MCF2L: variants seen among roughly 807,000 people sequenced by gnomAD.
MCF2L encodes the protein guanine nucleotide exchange factor DBS.
A neutral mutation model predicts 153.4 loss-of-function variants in MCF2L; 97 were observed. The ratio of observed to expected loss-of-function variants is 0.63; its 90% CI spans 0.54 to 0.75. The LOEUF is 0.75. Among genes scored for constraint, MCF2L ranks in the 30% least tolerant of loss-of-function variants. MCF2L has a pLI of 0.00. For synonymous variants in MCF2L, 659 were observed against 632.2 expected, an observed-to-expected ratio of 1.04 and a Z score of -0.64; for missense variants, 1,347 against 1,495.2, an observed-to-expected ratio of 0.90 and a Z score of 1.64.
At chr13:112,973,619 C>G (rs2082122720) in intron 1 of MCF2L, among the ~76,000 whole-genome samples, 1 of 152,230 alleles carries the variant, frequency 6.6e-6, no homozygotes, top group African/African-American at 2.4e-5. Flanking sequence ...CTGGGTGAGT[C>G]TGACGCCCTC....
chr13:113,078,248 G>A, intron 13 of MCF2L, 115 bp from the exon 14 acceptor site: 1 of 819,246 alleles, frequency 1.2e-6, no homozygotes, highest in Admixed American at 2.1e-5. Context: ...GCCACCACCT[G>A]TGGCCTCAGA....
At chr13:113,016,807 CCT>C in intron 2 of MCF2L, among the ~76,000 whole-genome samples, 1 of 152,340 alleles carries the variant, frequency 6.6e-6, no homozygotes, top group East Asian at 1.9e-4. Flanking sequence ...TCGTACATGC[CCT>C]CTCCCTCCTC....
At chr13:113,041,639 C>T (rs537554000) in intron 3 of MCF2L, among the ~76,000 whole-genome samples, 1 of 152,312 alleles carries the variant, frequency 6.6e-6, no homozygotes, top group East Asian at 1.9e-4. Context: ...TCTTTACATC[C>T]TCACGTCAGA....
At chr13:113,056,031 G>A (rs2141672095) in intron 4 of MCF2L, among the ~76,000 whole-genome samples, 1 of 152,346 alleles carries the variant, frequency 6.6e-6, no homozygotes, top group Middle Eastern at 3.4e-3. Context: ...CGGCCACTGA[G>A]GGCCGTGGTC....
chr13:112,911,375 A>G (rs1309779852), intron 2 of MCF2L, among the ~76,000 whole-genome samples: 2 of 152,060 alleles, frequency 1.3e-5, no homozygotes, highest in Non-Finnish European at 2.9e-5. Context: ...CCGTCCATGC[A>G]GGGTGTAGAC....
chr13:113,096,691 C>G (rs765707811), intron 29 of MCF2L, 38 bp downstream of exon 29: 1 of 1,559,694 alleles, frequency 6.4e-7, no homozygotes, highest in South Asian at 1.2e-5. Flanking sequence ...CGTGACGCTG[C>G]CAAGGGCCCG....
At chr13:112,928,825 G>C (rs1388473313) in intron 2 of MCF2L, among the ~76,000 whole-genome samples, 1 of 152,248 alleles carries the variant, frequency 6.6e-6, no homozygotes, top group Non-Finnish European at 1.5e-5. Flanking sequence ...GTGCTCCTCA[G>C]ACCCTCCTTG....
At chr13:113,025,786 A>G (rs1258701335) in intron 3 of MCF2L, among the ~76,000 whole-genome samples, 3 of 127,004 alleles carry the variant, frequency 2.4e-5, no homozygotes, top group Admixed American at 8.2e-5. Flanking sequence ...TCCCTGTGAG[A>G]TTTCCCTGTC....
At position 113,066,032 on chromosome 13, in the gene MCF2L, CA is replaced by C; in HGVS notation, c.757-13del. On this transcript the variant is annotated splice_polypyrimidine_tract_variant and intron_variant, in intron 7 of 29. Coordinates refer to ENST00000535094, the MANE Select transcript of MCF2L (RefSeq NM_001112732.3). Reference sequence around the variant, plus strand: ...TGGACGGGGCCGGGACATGAGGCTGCATTCTCTCCACAGGAGGATTTGAGGC... The same window carrying C: ...TGGACGGGGCCGGGACATGAGGCTGCTTCTCTCCACAGGAGGATTTGAGGC... 1 of 1,611,828 alleles carries C rather than the reference CA, an allele frequency of 6.2e-7. No individual in the cohort carries two copies. The highest frequency in any genetic ancestry group is 8.5e-7 in the Non-Finnish European group (1 of 1,179,336).
At chr13:113,062,787 T>C (rs1297518757) in intron 5 of MCF2L, among the ~76,000 whole-genome samples, 1 of 151,926 alleles carries the variant, frequency 6.6e-6, no homozygotes, top group Non-Finnish European at 1.5e-5. Flanking sequence ...TCCAAACCCA[T>C]GGATGGAGTG....
chr13:112,938,841 C>G (rs970844483), intron 2 of MCF2L, among the ~76,000 whole-genome samples: 1 of 151,822 alleles, frequency 6.6e-6, no homozygotes, highest in Non-Finnish European at 1.5e-5. Context: ...GCTGGGGCAA[C>G]TTGGAGGGCA....
intron 4 of MCF2L, among the ~76,000 whole-genome samples, chr13:113,051,506 C>T (rs1056664529): frequency 6.6e-6 from 1 of 152,176 alleles, no homozygotes; most frequent in Admixed American, 6.5e-5. Flanking sequence ...TTGGGGTATC[C>T]AGCAGGGGTG....
At chr13:113,024,228 A>G (rs958946295) in intron 2 of MCF2L, among the ~76,000 whole-genome samples, 2 of 152,244 alleles carry the variant, frequency 1.3e-5, no homozygotes, top group African/African-American at 4.8e-5. Flanking sequence ...ACATGCATAT[A>G]TGGAATATTA....
intron 1 of MCF2L, among the ~76,000 whole-genome samples, chr13:112,897,228 C>T (rs992469836): frequency 1.3e-5 from 2 of 152,166 alleles, no homozygotes; most frequent in African/African-American, 2.4e-5. Flanking sequence ...TGAACCTCTC[C>T]GAGCTTTCAG....
At chr13:112,895,522 C>T (rs540168579) in intron 1 of MCF2L, among the ~76,000 whole-genome samples, 49 of 152,206 alleles carry the variant, frequency 3.2e-4, no homozygotes, top group African/African-American at 1.1e-3. Context: ...GAGCCTCTAG[C>T]CCCCAGGACT....
chr13:113,076,358 A>C (rs903839830), intron 12 of MCF2L, among the ~76,000 whole-genome samples: 2 of 152,004 alleles, frequency 1.3e-5, no homozygotes, highest in African/African-American at 4.8e-5. Flanking sequence ...TCCGCCTCCC[A>C]GGTTCAAGCA....
chr13:113,019,628 G>A (rs931393636), intron 2 of MCF2L, among the ~76,000 whole-genome samples: 1 of 152,220 alleles, frequency 6.6e-6, no homozygotes, highest in Non-Finnish European at 1.5e-5. Context: ...GAATCCGATG[G>A]TTTCACGACA....
intron 4 of MCF2L, among the ~76,000 whole-genome samples, chr13:113,051,680 T>C (rs1184800283): frequency 6.6e-6 from 1 of 152,224 alleles, no homozygotes; most frequent in African/African-American, 2.4e-5. Flanking sequence ...TGCTTATATG[T>C]CAAGAGTATC....
chr13:112,980,388 G>A (rs2082366151), intron 1 of MCF2L, among the ~76,000 whole-genome samples: 1 of 152,280 alleles, frequency 6.6e-6, no homozygotes, highest in Non-Finnish European at 1.5e-5. Flanking sequence ...AACCACGGTG[G>A]GCTGTGGAAC....
Sources: gnomAD v4.1 joint callset for allele counts (sites outside exome capture counted in the v4.1 genomes callset) on GRCh38, gnomAD v4.1.1 for gene constraint, MANE v1.5 for transcripts, NCBI Gene and HGNC (gene_info 2026-07-23, HGNC 2026-07-21) for gene names.